RABGAP1L: variants seen among roughly 807,000 people sequenced by gnomAD.
RABGAP1L encodes rab GTPase-activating protein 1-like.
In RABGAP1L, 63 loss-of-function variants were observed where a neutral mutation model predicts 137.7. The observed-to-expected ratio is 0.46, with a 90% confidence interval of 0.37 to 0.56. The LOEUF (loss-of-function observed/expected upper bound fraction) is 0.56, where lower values mean the gene tolerates loss of function less well. Ranked by LOEUF, RABGAP1L falls within the 20% of genes least tolerant of loss-of-function variation. RABGAP1L has a pLI of 0.00. For missense variants in RABGAP1L, 1,095 were observed against 1,244.0 expected, an observed-to-expected ratio of 0.88 and a Z score of 1.80; for synonymous variants, 431 against 433.7, an observed-to-expected ratio of 0.99 and a Z score of 0.08.
intron 15 of RABGAP1L, among the ~76,000 whole-genome samples, chr1:174,696,045 C>T (rs988040735): frequency 2.0e-5 from 3 of 152,150 alleles, no homozygotes; most frequent in African/African-American, 7.2e-5. Context: ...ACTATGGCTG[C>T]AACTGCACTT....
chr1:174,789,452 A>AT (rs371634394), intron 18 of RABGAP1L, among the ~76,000 whole-genome samples: 34 of 151,476 alleles, frequency 2.2e-4, no homozygotes, highest in Middle Eastern at 6.8e-3. Context: ...TACTGCTACG[A>AT]TTTTTTTTTA....
chr1:174,957,817 A>G (rs1389845775), intron 20 of RABGAP1L: 5 of 1,356,602 alleles, frequency 3.7e-6, no homozygotes, highest in Non-Finnish European at 5.2e-6. Flanking sequence ...CTCTCTGATC[A>G]TGCTAACTGT....
At chr1:174,874,824 T>C (rs1212456179) in intron 19 of RABGAP1L, among the ~76,000 whole-genome samples, 1 of 151,914 alleles carries the variant, frequency 6.6e-6, no homozygotes, top group African/African-American at 2.4e-5. Context: ...TTTCAAAGAG[T>C]ATGTTTTTCG....
At chr1:174,480,164 G>A (rs140785864) in intron 13 of RABGAP1L, among the ~76,000 whole-genome samples, 168 of 152,134 alleles carry the variant, frequency 1.1e-3, no homozygotes, top group African/African-American at 3.7e-3. Flanking sequence ...TTAAGGATGT[G>A]GGTGGTATTT....
chr1:174,654,718 G>C (rs333452), intron 14 of RABGAP1L, among the ~76,000 whole-genome samples: 56,001 of 151,906 alleles, frequency 0.37, 13,545 homozygotes, highest in African/African-American at 0.69. Context: ...TTGCCAAAGG[G>C]CTTTTTTTCT....
intron 13 of RABGAP1L, among the ~76,000 whole-genome samples, chr1:174,443,951 G>A (rs995692904): frequency 6.6e-6 from 1 of 151,968 alleles, no homozygotes; most frequent in South Asian, 2.1e-4. Flanking sequence ...TTTCAACAGT[G>A]TATTTTCTTG....
chr1:174,586,732 G>C (rs572947915), intron 13 of RABGAP1L, among the ~76,000 whole-genome samples: 11 of 152,048 alleles, frequency 7.2e-5, no homozygotes, highest in African/African-American at 2.7e-4. Context: ...CAAGTAGCTG[G>C]TATTATAGGC....
chr1:174,223,818 C>T (rs1669960863), intron 3 of RABGAP1L, among the ~76,000 whole-genome samples: 1 of 152,114 alleles, frequency 6.6e-6, no homozygotes. Context: ...TTAAGATAGA[C>T]TACAGAGTTA....
intron 11 of RABGAP1L, among the ~76,000 whole-genome samples, chr1:174,318,593 T>C (rs1285476984): frequency 1.4e-5 from 2 of 138,694 alleles, no homozygotes; most frequent in Non-Finnish European, 3.0e-5. Context: ...TCTTTCTTTC[T>C]TTCTTTCTTT....
chr1:174,163,611 T>TA (rs36027110), intron 1 of RABGAP1L, among the ~76,000 whole-genome samples: 3,269 of 142,554 alleles, frequency 0.023, 210 homozygotes, highest in Admixed American at 0.14. Flanking sequence ...CTGTTGGGCT[T>TA]AAAAAAAAAA....
intron 19 of RABGAP1L, among the ~76,000 whole-genome samples, chr1:174,883,293 G>A (rs1654554480): frequency 6.6e-6 from 1 of 152,180 alleles, no homozygotes. Flanking sequence ...CACTTGTAAA[G>A]TATTTAGCAC....
chr1:174,240,371 T>A (rs1671700743), intron 4 of RABGAP1L, among the ~76,000 whole-genome samples: 1 of 152,180 alleles, frequency 6.6e-6, no homozygotes, highest in African/African-American at 2.4e-5. Context: ...CTCGGCCTCC[T>A]GAATAGCTGG....
intron 19 of RABGAP1L, among the ~76,000 whole-genome samples, chr1:174,944,627 A>G (rs12094050): frequency 0.04 from 5,801 of 145,658 alleles, 400 homozygotes; most frequent in African/African-American, 0.14. Flanking sequence ...ACAGAGTGAG[A>G]CCCTGTCTCA....
chr1:174,208,857 A>C lies in RABGAP1L; in HGVS notation c.-33-10268A>C, dbSNP rs1449423975. Among the ~76,000 whole-genome samples, 5 of 152,234 alleles carry C rather than the reference A, an allele frequency of 3.3e-5. No individual in the cohort carries two copies. The East Asian group carries it at 9.7e-4, about 29-fold the overall frequency. On this transcript the variant is annotated intron_variant, in intron 1 of 25. Transcript: ENST00000681986. ...TATTTCTTCTTTAAATGTTTGGTGGAGTTTACCAGTGAAGTCATCTTTGGT... is the reference window on the plus strand; with the variant it reads ...TATTTCTTCTTTAAATGTTTGGTGGCGTTTACCAGTGAAGTCATCTTTGGT...
rs527250453 is a variant in RABGAP1L, at chr1:174,306,033, C to A, written c.1465+906C>A. Among the ~76,000 whole-genome samples, 9 of 152,204 alleles carry A rather than the reference C, an allele frequency of 5.9e-5. 1 individual carries two copies. In the South Asian group the frequency reaches 1.9e-3, roughly 32 times the overall value. On this transcript the variant is annotated intron_variant, in intron 11 of 25. Transcript: ENST00000681986. Reference sequence around the variant, plus strand: ...TGCGGTGTTTGGTTTTTTGCCCTTGCAATAGTTTGCTGAGAATGATGGTTT... The same window carrying A: ...TGCGGTGTTTGGTTTTTTGCCCTTGAAATAGTTTGCTGAGAATGATGGTTT...
chr1:174,410,481 T>C (rs1649794058), intron 13 of RABGAP1L, among the ~76,000 whole-genome samples: 1 of 152,114 alleles, frequency 6.6e-6, no homozygotes, highest in Admixed American at 6.6e-5. Context: ...CTAAGTCTTT[T>C]CACCATTTAT....
intron 13 of RABGAP1L, among the ~76,000 whole-genome samples, chr1:174,487,104 T>G (rs1400252182): frequency 6.6e-6 from 1 of 152,188 alleles, no homozygotes; most frequent in Non-Finnish European, 1.5e-5. Context: ...CTTCAACTGT[T>G]GAATGAAATG....
intron 19 of RABGAP1L, among the ~76,000 whole-genome samples, chr1:174,907,641 T>C (rs1201023673): frequency 6.6e-6 from 1 of 152,160 alleles, no homozygotes; most frequent in Non-Finnish European, 1.5e-5. Flanking sequence ...TTAAAAATAA[T>C]TTGTTATATC....
At chr1:174,215,463 A>C (rs1373446802) in intron 1 of RABGAP1L, among the ~76,000 whole-genome samples, 1 of 151,180 alleles carries the variant, frequency 6.6e-6, no homozygotes, top group Non-Finnish European at 1.5e-5. Context: ...ATCTCAAAAA[A>C]AAAAAATAAT....
Sources: allele counts gnomAD v4.1 joint callset (sites outside exome capture counted in the v4.1 genomes callset), GRCh38; gene constraint gnomAD v4.1.1; transcripts MANE v1.5; gene names NCBI Gene and HGNC (gene_info 2026-07-23, HGNC 2026-07-21).